Variants in CEP128 observed in about 807,000 individuals in gnomAD.
CEP128 encodes the protein centrosomal protein 128.
Under a neutral mutation model 156.7 loss-of-function variants are expected in CEP128, and 132 were observed. The ratio of observed to expected loss-of-function variants is 0.84; its 90% CI spans 0.73 to 0.97. CEP128 has a LOEUF of 0.97. Among genes scored for constraint, CEP128 ranks in the 50% least tolerant of loss-of-function variants. The probability of loss-of-function intolerance (pLI) is 0.00; values close to 1 mark genes in which losing one functional copy is unlikely to be tolerated. For missense variants in CEP128, 1,252 were observed against 1,281.9 expected (o/e 0.98, Z 0.36); for synonymous variants, 469 against 448.9 (o/e 1.04, Z -0.57).
chr14:80,820,572 G>C (rs1360726152), intron 13 of CEP128, among the ~76,000 whole-genome samples: 1 of 152,204 alleles, frequency 6.6e-6, no homozygotes, highest in Non-Finnish European at 1.5e-5. Context: ...CTCTGCTTAT[G>C]AATCAGAAAA....
downstream of CEP128, among the ~76,000 whole-genome samples, chr14:80,495,496 G>C (rs1255096360): frequency 6.6e-6 from 1 of 151,880 alleles, no homozygotes; most frequent in Non-Finnish European, 1.5e-5. Context: ...TCCAACAGTA[G>C]CACAGAGCAT....
chr14:80,504,478 T>C (rs547828492), intron 24 of CEP128, among the ~76,000 whole-genome samples: 1 of 152,232 alleles, frequency 6.6e-6, no homozygotes, highest in African/African-American at 2.4e-5. Context: ...ATGACATTTA[T>C]CAAGATTCAC....
chr14:80,707,337 A>C (rs1452064815), intron 19 of CEP128, among the ~76,000 whole-genome samples: 1 of 152,240 alleles, frequency 6.6e-6, no homozygotes, highest in African/African-American at 2.4e-5. Context: ...AGCTTGGTTT[A>C]TCTGCTGGAT....
chr14:80,603,412 G>A (rs1892656388), intron 19 of CEP128, among the ~76,000 whole-genome samples: 1 of 152,114 alleles, frequency 6.6e-6, no homozygotes, highest in African/African-American at 2.4e-5. Context: ...AAATGTTCTG[G>A]AATTAGATAC....
chr14:80,856,615 C>T (rs1887172125), intron 9 of CEP128, among the ~76,000 whole-genome samples: 1 of 150,984 alleles, frequency 6.6e-6, no homozygotes, highest in Non-Finnish European at 1.5e-5. Context: ...TGCACTCCAG[C>T]GTGGGTGAGT....
At chr14:80,628,770 C>T (rs752997084) in intron 19 of CEP128, among the ~76,000 whole-genome samples, 82 of 152,088 alleles carry the variant, frequency 5.4e-4, no homozygotes, top group Non-Finnish European at 9.7e-4. Flanking sequence ...GGACTTTCAC[C>T]GGAGCTACTG....
intron 9 of CEP128, among the ~76,000 whole-genome samples, chr14:80,846,200 G>T (rs912049336): frequency 2.0e-5 from 3 of 152,068 alleles, no homozygotes; most frequent in African/African-American, 7.2e-5. Context: ...GTAATATTTG[G>T]CATGAACATA....
intron 9 of CEP128, among the ~76,000 whole-genome samples, chr14:80,841,083 A>G (rs1886328743): frequency 6.6e-6 from 1 of 152,172 alleles, no homozygotes; most frequent in Non-Finnish European, 1.5e-5. Context: ...CTCTTTAATA[A>G]AATGAGGAAA....
intron 19 of CEP128, among the ~76,000 whole-genome samples, chr14:80,698,708 T>C (rs944294942): frequency 3.3e-5 from 5 of 152,172 alleles, no homozygotes; most frequent in Non-Finnish European, 5.9e-5. Context: ...GGGAAATTTA[T>C]AATAAAGGTG....
chr14:80,803,477 G>A (rs1249239340), intron 13 of CEP128, among the ~76,000 whole-genome samples: 2 of 152,108 alleles, frequency 1.3e-5, no homozygotes, highest in African/African-American at 2.4e-5. Context: ...AACAGAGGTG[G>A]AGGAAATAAA....
chr14:80,550,595 A>T (rs1890170318), intron 21 of CEP128, among the ~76,000 whole-genome samples: 1 of 151,762 alleles, frequency 6.6e-6, no homozygotes, highest in South Asian at 2.1e-4. Context: ...GTTTATCCTA[A>T]TATAAAATAT....
intron 13 of CEP128, among the ~76,000 whole-genome samples, chr14:80,825,002 G>A (rs142036597): frequency 6.2e-4 from 95 of 152,262 alleles, no homozygotes; most frequent in African/African-American, 1.9e-3. Context: ...GAGTCATCGC[G>A]GAAGGTGAAA....
chr14:80,879,671 A>C (rs1450908390), intron 8 of CEP128, among the ~76,000 whole-genome samples: 1 of 152,216 alleles, frequency 6.6e-6, no homozygotes, highest in East Asian at 1.9e-4. Flanking sequence ...AACGAAAAAG[A>C]GTAAAGACTT....
intron 13 of CEP128, among the ~76,000 whole-genome samples, chr14:80,815,299 C>G (rs550009406): frequency 1.3e-5 from 2 of 152,210 alleles, no homozygotes; most frequent in East Asian, 1.9e-4. Flanking sequence ...ACATGGCCAA[C>G]AAGCATATGA....
intron 19 of CEP128, among the ~76,000 whole-genome samples, chr14:80,632,723 C>T (rs1408146668): frequency 6.6e-6 from 1 of 151,982 alleles, no homozygotes; most frequent in African/African-American, 2.4e-5. Flanking sequence ...CAAATGGTGA[C>T]TACTTATGTG....
chr14:80,638,667 A>C (rs1343909776), intron 19 of CEP128, among the ~76,000 whole-genome samples: 1 of 152,190 alleles, frequency 6.6e-6, no homozygotes, highest in Non-Finnish European at 1.5e-5. Flanking sequence ...AGCGAATTCC[A>C]ACACGGTAGG....
At position 80,646,167 on chromosome 14, in the gene CEP128, C is replaced by T. The variant is rs150439807; in HGVS notation, c.2807-65744G>A. Reference sequence around the variant, plus strand: ...CTGTCAAAACCTACAGAACGTAAAACGCCAAGAATGAACCCTAATGTAAAC... The same window carrying T: ...CTGTCAAAACCTACAGAACGTAAAATGCCAAGAATGAACCCTAATGTAAAC... On this transcript the variant is annotated intron_variant, in intron 19 of 24. Transcript: ENST00000555265. Among the ~76,000 whole-genome samples, 21 of 152,114 alleles carry T rather than the reference C, an allele frequency of 1.4e-4. No homozygotes were observed. In the East Asian group the frequency reaches 2.1e-3, roughly 15 times the overall value.
At chr14:80,944,878 A>C (rs1365635513), upstream of CEP128, among the ~76,000 whole-genome samples, 1 of 57,936 alleles carries the variant, frequency 1.7e-5, no homozygotes, top group Non-Finnish European at 3.9e-5. Flanking sequence ...AGAACAAAAC[A>C]AAAAAAAAAA....
At chr14:80,618,461 C>T (rs572416122) in intron 19 of CEP128, among the ~76,000 whole-genome samples, 15 of 152,304 alleles carry the variant, frequency 9.8e-5, no homozygotes, top group South Asian at 4.1e-4. Flanking sequence ...TTACAGTATA[C>T]GTCTTGAAAT....
Sources: gnomAD v4.1 joint callset for allele counts (sites outside exome capture counted in the v4.1 genomes callset) on GRCh38, gnomAD v4.1.1 for gene constraint, MANE v1.5 for transcripts, NCBI Gene and HGNC (gene_info 2026-07-23, HGNC 2026-07-21) for gene names.